The following DYSF variants were observed in gnomAD, a reference collection of about 807,000 sequenced individuals.
DYSF encodes the protein dystrophy-associated fer-1-like 1.
In DYSF, 212 loss-of-function variants were observed where a neutral mutation model predicts 274.9. That is an observed-to-expected ratio of 0.77 (90% CI 0.69 to 0.86). The LOEUF (loss-of-function observed/expected upper bound fraction) is 0.86. Ranked by LOEUF, DYSF falls within the 40% of genes least tolerant of loss-of-function variation. The pLI, the probability that DYSF is intolerant of heterozygous loss-of-function variation, is 0.00. For missense variants in DYSF, 2,666 were observed against 2,783.2 expected (o/e 0.96, Z 0.95); for synonymous variants, 1,091 against 1,078.7 (o/e 1.01, Z -0.22).
chr2:71,553,770 T>A, intron 20 of DYSF, 37 bp from the exon 21 acceptor site: 1 of 511,158 alleles, frequency 2.0e-6, no homozygotes, highest in Non-Finnish European at 3.1e-6. Context: ...CGCCCTCCAC[T>A]CCTGGCACAG....
chr2:71,556,031 C>T lies in DYSF; in HGVS notation c.2176C>T (p.Leu726=). ...AQCSTEDVDS[L]VAQLTDELIA... ...GTGCTCCACGGAGGACGTGGACTCG[C>T]TGGTGGCTCAGCTGACGGATGAGCT... Residue 726 remains leucine, a synonymous_variant, in exon 22 of 56, where the codon CTG becomes TTG. Coordinates refer to ENST00000410020, the MANE Select transcript of DYSF (RefSeq NM_001130987.2). The T allele has an allele frequency of 2.5e-6, 4 of 1,578,898 alleles. No individual in the cohort carries two copies. In the South Asian group the frequency reaches 4.7e-5, roughly 18 times the overall value.
rs114279925 is a variant in DYSF at position 71,677,271 on chromosome 2, A to G, written c.5885-1786A>G. On this transcript the variant is annotated intron_variant, in intron 52 of 55. Coordinates refer to ENST00000410020, the MANE Select transcript of DYSF (RefSeq NM_001130987.2). The stretch of plus-strand genomic sequence containing the variant: ...AAAGAGTTATATTTAATGTTCGGTT[A>G]TAGTAACTATGCATTCTACACTGAA... Among the ~76,000 whole-genome samples the G allele has an allele frequency of 3.1e-3, 471 of 152,342 alleles. 3 individuals are homozygous for G. The highest frequency in any genetic ancestry group is 0.011 in the African/African-American group (443 of 41,574).
intron 32 of DYSF, among the ~76,000 whole-genome samples, chr2:71,598,141 G>A (rs951275275): frequency 6.6e-6 from 1 of 152,202 alleles, no homozygotes; most frequent in African/African-American, 2.4e-5. Flanking sequence ...TTTATATTTA[G>A]TTCAAATTGT....
At chr2:71,626,370 C>T (rs1276419037) in intron 41 of DYSF, among the ~76,000 whole-genome samples, 3 of 150,958 alleles carry the variant, frequency 2.0e-5, no homozygotes, top group Non-Finnish European at 4.4e-5. Flanking sequence ...TCGAAGTGAT[C>T]ATATAATTTT....
At chr2:71,563,219 G>T (rs2091886281) in intron 23 of DYSF, among the ~76,000 whole-genome samples, 1 of 152,226 alleles carries the variant, frequency 6.6e-6, no homozygotes, top group Non-Finnish European at 1.5e-5. Flanking sequence ...ACCTGCATTG[G>T]CTCCTAAGCT....
rs1030259950 is a variant in DYSF at position 71,686,633 on chromosome 2, C to T, written c.*141C>T. The T allele has an allele frequency of 1.7e-5, 16 of 944,744 alleles. No homozygotes were observed. Among genetic ancestry groups the T allele is most frequent in the African/African-American group, 1.6e-4 (10 of 61,964 alleles). 58.5% of individuals were successfully genotyped at this position (944,744 alleles called of 1,614,324 possible). ...AGGGTGGGCAGACAGACAGATGGAC[C>T]GGCCCACACTCCCAGAGTTGCTAAC... On this transcript the variant is annotated 3_prime_UTR_variant, in exon 56 of 56. Transcript: ENST00000410020.
intron 13 of DYSF, 66 bp downstream of exon 13, chr2:71,526,412 GGGCGATGGC>G: frequency 1.5e-6 from 2 of 1,353,256 alleles, no homozygotes; most frequent in Non-Finnish European, 2.1e-6. Flanking sequence ...TGGTGGGGGT[GGGCGATGGC>G]GGGCGGGGTC....
chr2:71,626,319 T>G (rs1164302577), intron 41 of DYSF, among the ~76,000 whole-genome samples: 1 of 151,554 alleles, frequency 6.6e-6, no homozygotes, highest in African/African-American at 2.4e-5. Context: ...TTTTTTTTCA[T>G]GAATGTTGTT....
upstream of DYSF, among the ~76,000 whole-genome samples, chr2:71,466,490 C>G (rs2081539150): frequency 6.6e-6 from 1 of 152,158 alleles, no homozygotes; most frequent in South Asian, 2.1e-4. Flanking sequence ...TCTCGGAGGC[C>G]GAGCTGCGCG....
chr2:71,485,956 AGCGTGAGCCACC>A (rs1357615618), intron 3 of DYSF, among the ~76,000 whole-genome samples: 1 of 151,950 alleles, frequency 6.6e-6, no homozygotes, highest in Admixed American at 6.5e-5. Context: ...TGGGATTACA[AGCGTGAGCCACC>A]GCGCCCAGCC....
intron 55 of DYSF, among the ~76,000 whole-genome samples, chr2:71,683,734 G>A (rs2095323859): frequency 1.3e-5 from 2 of 152,216 alleles, no homozygotes; most frequent in Admixed American, 6.5e-5. Context: ...CCAGGCCACT[G>A]GCCCAGAGCA....
intron 1 of DYSF, among the ~76,000 whole-genome samples, chr2:71,456,119 C>G (rs963515237): frequency 2.6e-5 from 4 of 152,108 alleles, no homozygotes; most frequent in African/African-American, 9.7e-5. Context: ...CTCTCCCCAC[C>G]CCCATCTGCT....
At chr2:71,466,974 C>T in intron 1 of DYSF, 41 bp downstream of exon 1, 1 of 1,537,944 alleles carries the variant, frequency 6.5e-7, no homozygotes. Flanking sequence ...TCGGGTGCTA[C>T]CCGACTCTCG....
At chr2:71,526,418 T>TGGTGGGGGGGGGGGTTG in intron 13 of DYSF, 72 bp downstream of exon 13, 1 of 261,506 alleles carries the variant, frequency 3.8e-6, no homozygotes. Context: ...GGGTGGGCGA[T>TGGTGGGGGGGGGGGTTG]GGCGGGCGGG....
Position 71,481,987 on chromosome 2 carries a change from G to T in DYSF, c.239+17G>T, listed in dbSNP as rs757432005. ...GAGGAACAGGTAAGGTGGCCAGAGG[G>T]GGGTGCTCCATGGCTTGAAGGTGCA... On this transcript the variant is annotated intron_variant, in intron 3 of 55. Transcript: ENST00000410020. 6 of 1,608,532 alleles carry T rather than the reference G, an allele frequency of 3.7e-6. No individual in the cohort carries two copies. Among genetic ancestry groups the T allele is most frequent in the East Asian group, 4.5e-5 (2 of 44,850 alleles).
Position 71,539,766 on chromosome 2 carries a change from G to A in DYSF, c.1576+527G>A, listed in dbSNP as rs143446080. The stretch of plus-strand genomic sequence containing the variant: ...ATATGTCTGTACATGCATGGAAGAT[G>A]TGTGTATTTAATACATGGGTATGTG... On this transcript the variant is annotated intron_variant, in intron 17 of 55. Transcript: ENST00000410020. 3.5e-3 allele frequency among the ~76,000 whole-genome samples: 534 copies of A among 152,308 alleles called. 13 individuals carry two copies. The highest frequency in any genetic ancestry group is 0.029 in the East Asian group (151 of 5,182).
At chr2:71,481,695 T>TATCCATCCATCCATCCATCCATCC (rs56102566) in intron 2 of DYSF, among the ~76,000 whole-genome samples, 184 bp from the exon 3 acceptor site, 3 of 124,456 alleles carry the variant, frequency 2.4e-5, no homozygotes, top group Non-Finnish European at 3.3e-5. Flanking sequence ...GGTCTTCATC[T>TATCCATCCATCCATCCATCCATCC]ATCCATCCAT....
chr2:71,526,498 G>C, intron 13 of DYSF, 152 bp downstream of exon 13: 2 of 1,182,050 alleles, frequency 1.7e-6, no homozygotes, highest in Admixed American at 5.4e-5. Flanking sequence ...AATCAGTGCT[G>C]GTGGAGTTAC....
At chr2:71,483,176 G>A (rs1000983107) in intron 3 of DYSF, among the ~76,000 whole-genome samples, 34 of 152,222 alleles carry the variant, frequency 2.2e-4, no homozygotes, top group African/African-American at 7.5e-4. Context: ...CCCCAAAAGT[G>A]TGGCTGCAAG....
Sources: allele counts gnomAD v4.1 joint callset (sites outside exome capture counted in the v4.1 genomes callset), GRCh38; gene constraint gnomAD v4.1.1; transcripts MANE v1.5; gene names NCBI Gene and HGNC (gene_info 2026-07-23, HGNC 2026-07-21).